DNAJB1: variants seen among roughly 807,000 people sequenced by gnomAD.
DNAJB1 encodes the protein DnaJ heat shock protein family (Hsp40) member B1.
A neutral mutation model predicts 24.0 loss-of-function variants in DNAJB1; 14 were observed. The observed-to-expected ratio is 0.58, with a 90% confidence interval of 0.39 to 0.91. The LOEUF (loss-of-function observed/expected upper bound fraction) is 0.91. Ranked by LOEUF, DNAJB1 falls within the 40% of genes least tolerant of loss-of-function variation. DNAJB1 has a pLI of 0.00. For synonymous variants in DNAJB1, 262 were observed against 174.4 expected (o/e 1.50, Z -3.96); for missense variants, 517 against 458.1 (o/e 1.13, Z -1.17).
At position 14,515,622 on chromosome 19, in the gene DNAJB1, C is replaced by G. The variant is rs945475935; in HGVS notation, c.*318G>C. On this transcript the variant is annotated 3_prime_UTR_variant, in exon 3 of 3. Coordinates refer to ENST00000254322, the MANE Select transcript of DNAJB1 (RefSeq NM_006145.3). ...AAAGACACAGAGGGATCAAGTCCAT[C>G]TGCTGGTCTGCCTCTCACCCCTGGC... 19 of 349,650 alleles carry G rather than the reference C, an allele frequency of 5.4e-5. No homozygotes were observed. In the Admixed American group the frequency reaches 9.4e-4, roughly 17 times the overall value. The allele number at this position is 349,650 out of a possible 1,614,324, so 21.7% of individuals were successfully genotyped here.
chr19:14,525,325 C>A (rs551148278), intron 2 of DNAJB1, among the ~76,000 whole-genome samples: 30 of 69,216 alleles, frequency 4.3e-4, no homozygotes, highest in African/African-American at 2.1e-3. Context: ...GTAAAATCTA[C>A]TTTTTTTGTT....
At chr19:14,552,638 C>T (rs563772714), upstream of DNAJB1, among the ~76,000 whole-genome samples, 1 of 151,904 alleles carries the variant, frequency 6.6e-6, no homozygotes, top group African/African-American at 2.4e-5. Context: ...GGGTTCACGC[C>T]ATTCTCCTGC....
chr19:14,550,963 C>T (rs2146601077), upstream of DNAJB1, among the ~76,000 whole-genome samples: 1 of 152,092 alleles, frequency 6.6e-6, no homozygotes, highest in East Asian at 1.9e-4. Flanking sequence ...TGAACTACCA[C>T]ACCCGGCCGC....
upstream of DNAJB1, among the ~76,000 whole-genome samples, chr19:14,519,368 CATAA>C (rs986308802): frequency 1.3e-5 from 2 of 152,118 alleles, no homozygotes; most frequent in African/African-American, 4.8e-5. Flanking sequence ...GACTCCGTCT[CATAA>C]ATAAATAAAA....
rs554152728 is a variant in DNAJB1 at position 14,528,639 on chromosome 19, G to T, written c.-175+571C>A. On this transcript the variant is annotated intron_variant, in intron 1 of 3. Coordinates refer to the DNAJB1 transcript ENST00000396969. Reference sequence around the variant, plus strand: ...AATGTAGTTCCCCTGTCCATAGGGCGGAGCAAAGTGTGGAGGGGGGCCGGG... The same window carrying T: ...AATGTAGTTCCCCTGTCCATAGGGCTGAGCAAAGTGTGGAGGGGGGCCGGG... Among the ~76,000 whole-genome samples, 5 of 152,142 alleles carry T rather than the reference G, an allele frequency of 3.3e-5. No homozygotes were observed. The East Asian group carries it at 9.7e-4, about 30-fold the overall frequency.
At chr19:14,534,936 G>T (rs1034732179) in intron 1 of DNAJB1, among the ~76,000 whole-genome samples, 1 of 152,176 alleles carries the variant, frequency 6.6e-6, no homozygotes, top group Non-Finnish European at 1.5e-5. Context: ...AGGACAGCTG[G>T]TGGCTCTCCT....
At chr19:14,536,529 C>T (rs2072905360) in intron 1 of DNAJB1, 1 of 152,162 alleles carries the variant, frequency 6.6e-6, no homozygotes, top group Non-Finnish European at 1.5e-5. Flanking sequence ...CTTGGCCTCC[C>T]AGAGTGTTGG....
At chr19:14,532,981 G>A (rs997614956), upstream of DNAJB1, among the ~76,000 whole-genome samples, 2 of 151,824 alleles carry the variant, frequency 1.3e-5, no homozygotes, top group Non-Finnish European at 2.9e-5. Flanking sequence ...ATGGTGGCAC[G>A]TGCTTGTAGT....
rs1568381471 is a variant in DNAJB1, at chr19:14,518,200, C to T, written c.150G>A (p.Glu50=). 6.2e-7 allele frequency: 1 copy of T among 1,609,082 alleles called. No individual in the cohort carries two copies. The highest frequency in any genetic ancestry group is 8.5e-7 in the Non-Finnish European group (1 of 1,178,068). ...GCGGGTCGCTGAGCACGTCGTAGGC[C>T]TCAGCGATCTCCTTGAACTTCTCCT... ...GAEEKFKEIA[E]AYDVLSDPRK... The change falls in exon 1 of 3, where the codon GAG becomes GAA. Residue 50 remains glutamate, a synonymous_variant. Transcript: ENST00000254322.
upstream of DNAJB1, among the ~76,000 whole-genome samples, chr19:14,534,776 A>G (rs576421339): frequency 1.3e-5 from 2 of 152,228 alleles, no homozygotes; most frequent in African/African-American, 4.8e-5. Flanking sequence ...GATGGGAACT[A>G]CTGTTCTACT....
At chr19:14,543,411 ATATATATATTTTTTTTTTTTTTT>A (rs1380870674) in intron 1 of DNAJB1, among the ~76,000 whole-genome samples, 4 of 9,114 alleles carry the variant, frequency 4.4e-4, no homozygotes, top group African/African-American at 1.4e-3. Flanking sequence ...ATATATATAT[ATATATATATTTTTTTTTTTTTTT>A]TTTTTTTTTT....
At chr19:14,531,761 C>T (rs544940753), upstream of DNAJB1, 47 of 152,246 alleles carry the variant, frequency 3.1e-4, no homozygotes, top group African/African-American at 1.1e-3. Context: ...TAATTTTTGA[C>T]ATGGTATCAA....
chr19:14,537,583 C>T (rs972463640), intron 1 of DNAJB1, among the ~76,000 whole-genome samples: 1 of 152,090 alleles, frequency 6.6e-6, no homozygotes, highest in African/African-American at 2.4e-5. Flanking sequence ...GGCCAGAGAC[C>T]TTGAGCTAGT....
At chr19:14,549,353 C>T (rs1413401957) in intron 1 of DNAJB1, among the ~76,000 whole-genome samples, 1 of 151,840 alleles carries the variant, frequency 6.6e-6, no homozygotes, top group Non-Finnish European at 1.5e-5. Context: ...GCTGGGACTA[C>T]AGGCATGCGC....
intron 1 of DNAJB1, 166 bp downstream of exon 1, chr19:14,517,973 G>T: frequency 1.5e-6 from 1 of 658,198 alleles, no homozygotes; most frequent in Non-Finnish European, 2.3e-6. Flanking sequence ...TCCTCCCACC[G>T]CGCGGCCGCC....
Position 14,518,366 on chromosome 19 carries a change from C to T in DNAJB1, c.-17G>A, listed in dbSNP as rs771643428. 5.9e-6 allele frequency: 9 copies of T among 1,534,696 alleles called. No individual in the cohort carries two copies. Among genetic ancestry groups the T allele is most frequent in the South Asian group, 1.2e-5 (1 of 81,542 alleles). On this transcript the variant is annotated 5_prime_UTR_variant, in exon 1 of 3. Transcript: ENST00000254322. ...TTTACCCATGACCCCCTCCTGCGGC[C>T]CGCCGACCCGCTGTCGCCGTCCCCC...
intron 1 of DNAJB1, among the ~76,000 whole-genome samples, chr19:14,537,924 T>C (rs1479424460): frequency 6.6e-6 from 1 of 152,056 alleles, no homozygotes; most frequent in Non-Finnish European, 1.5e-5. Context: ...TTTTGTATTT[T>C]TAGTAGAGAT....
rs528409663 is a variant in DNAJB1, at chr19:14,516,371, C to T, written c.792+95G>A. 3 of 1,405,048 alleles carry T rather than the reference C, an allele frequency of 2.1e-6. No homozygotes were observed. In the East Asian group the frequency reaches 7.0e-5, roughly 33 times the overall value. 87.0% of individuals were successfully genotyped at this position (1,405,048 alleles called of 1,614,324 possible). On this transcript the variant is annotated intron_variant, in intron 2 of 2. Coordinates refer to ENST00000254322, the MANE Select transcript of DNAJB1 (RefSeq NM_006145.3). The stretch of plus-strand genomic sequence containing the variant: ...ACTGTTGTGCCCCAAGCCTGGCACG[C>T]ACCACACACCCCAACACATTGGTTC...
chr19:14,554,557 GA>G (rs1246186779), upstream of DNAJB1, among the ~76,000 whole-genome samples: 1 of 152,198 alleles, frequency 6.6e-6, no homozygotes, highest in Non-Finnish European at 1.5e-5. Flanking sequence ...TGGGGAAGCC[GA>G]AGCTCCAGAG....
Sources: gnomAD v4.1 joint callset for allele counts (sites outside exome capture counted in the v4.1 genomes callset) on GRCh38, gnomAD v4.1.1 for gene constraint, MANE v1.5 for transcripts, NCBI Gene and HGNC (gene_info 2026-07-23, HGNC 2026-07-21) for gene names.